Variants in SSBP2 observed in about 807,000 individuals in gnomAD.
SSBP2 encodes the protein single stranded DNA binding protein 2.
SSBP2 carries 17 observed loss-of-function variants against 61.8 expected under a neutral mutation model. That is an observed-to-expected ratio of 0.28 (90% confidence interval 0.19 to 0.41). The LOEUF is 0.41. Ranked by LOEUF, SSBP2 falls within the 10% of genes least tolerant of loss-of-function variation. The probability of loss-of-function intolerance (pLI) is 1.00; values close to 1 mark genes in which losing one functional copy is unlikely to be tolerated. For synonymous variants in SSBP2, 139 were observed against 141.3 expected, an observed-to-expected ratio of 0.98 and a Z score of 0.12; for missense variants, 310 against 458.7, an observed-to-expected ratio of 0.68 and a Z score of 2.96.
chr5:81,437,565 A>G, intron 14 of SSBP2, 107 bp from the exon 15 acceptor site: 1 of 991,434 alleles, frequency 1.0e-6, no homozygotes, highest in Non-Finnish European at 1.5e-6. Flanking sequence ...ATTTTCCAGC[A>G]TATAGCTCCT....
chr5:81,599,387 C>T (rs1361337987), intron 4 of SSBP2, among the ~76,000 whole-genome samples: 1 of 152,140 alleles, frequency 6.6e-6, no homozygotes, highest in African/African-American at 2.4e-5. Context: ...ATATTTTTAG[C>T]CCAAGGGAGC....
chr5:81,428,886 T>A lies in SSBP2; in HGVS notation c.958-203A>T, dbSNP rs936834768. Among the ~76,000 whole-genome samples, 16 of 151,852 alleles carry A rather than the reference T, an allele frequency of 1.1e-4. No individual in the cohort carries two copies. Among genetic ancestry groups the A allele is most frequent in the Admixed American group, 3.3e-4 (5 of 15,226 alleles). On this transcript the variant is annotated intron_variant, in intron 15 of 16. Coordinates refer to ENST00000320672, the MANE Select transcript of SSBP2 (RefSeq NM_012446.5). ...TCCCAAATGAAAATTTAAAAAAAAA[T>A]AAAAAAACCCCCAATAACCTACCAC... is the stretch of plus-strand genomic sequence containing the variant.
At chr5:81,481,530 G>C (rs900004652) in intron 6 of SSBP2, among the ~76,000 whole-genome samples, 1 of 150,956 alleles carries the variant, frequency 6.6e-6, no homozygotes. Flanking sequence ...CTGAGCAGGA[G>C]AATCGCTTGA....
chr5:81,531,263 A>G (rs1580935462), intron 4 of SSBP2, among the ~76,000 whole-genome samples: 1 of 151,688 alleles, frequency 6.6e-6, no homozygotes, highest in Non-Finnish European at 1.5e-5. Context: ...AAGAAAGAAG[A>G]TAATTTCAAC....
chr5:81,678,848 C>T (rs771809949), intron 1 of SSBP2, among the ~76,000 whole-genome samples: 2 of 151,856 alleles, frequency 1.3e-5, no homozygotes, highest in Non-Finnish European at 2.9e-5. Flanking sequence ...AAATAAAGAC[C>T]CATAAAAATT....
At chr5:81,573,654 T>C (rs1773989264) in intron 4 of SSBP2, among the ~76,000 whole-genome samples, 2 of 152,222 alleles carry the variant, frequency 1.3e-5, no homozygotes, top group Admixed American at 1.3e-4. Flanking sequence ...ATACAAATCC[T>C]TTTTGGAATA....
At chr5:81,575,434 C>A (rs1423793988) in intron 4 of SSBP2, among the ~76,000 whole-genome samples, 1 of 151,956 alleles carries the variant, frequency 6.6e-6, no homozygotes, top group Non-Finnish European at 1.5e-5. Flanking sequence ...TTTCATAGCA[C>A]AGGAAATGGT....
chr5:81,547,469 CAT>C (rs1491411231), intron 4 of SSBP2, among the ~76,000 whole-genome samples: 2 of 108,412 alleles, frequency 1.8e-5, no homozygotes, highest in Non-Finnish European at 3.3e-5. Context: ...GTGGAGAAAA[CAT>C]TTTTTTTTTC....
intron 1 of SSBP2, among the ~76,000 whole-genome samples, chr5:81,684,364 G>T (rs1047273272): frequency 6.6e-6 from 1 of 152,290 alleles, no homozygotes; most frequent in South Asian, 2.1e-4. Context: ...GAACTGCATG[G>T]TTCAAATTAC....
chr5:81,426,368 G>A (rs1761950295), intron 16 of SSBP2, among the ~76,000 whole-genome samples: 1 of 152,208 alleles, frequency 6.6e-6, no homozygotes, highest in South Asian at 2.1e-4. Flanking sequence ...CTCCAGGGTG[G>A]TGGTGCAGTT....
At chr5:81,749,572 C>G (rs182656549) in intron 1 of SSBP2, among the ~76,000 whole-genome samples, 2 of 152,080 alleles carry the variant, frequency 1.3e-5, no homozygotes, top group African/African-American at 4.8e-5. Flanking sequence ...TGGTCTGAAC[C>G]CCCTCAGAAA....
intron 4 of SSBP2, among the ~76,000 whole-genome samples, chr5:81,533,868 A>G (rs1419284309): frequency 6.6e-6 from 1 of 152,028 alleles, no homozygotes; most frequent in African/African-American, 2.4e-5. Context: ...GGATCTCTAA[A>G]TGCTTGTGTT....
chr5:81,441,206 G>A (rs183280810), intron 13 of SSBP2, among the ~76,000 whole-genome samples: 4 of 152,326 alleles, frequency 2.6e-5, no homozygotes, highest in Admixed American at 2.6e-4. Flanking sequence ...ATGACACTCA[G>A]AGGTTCCATG....
chr5:81,465,495 A>T lies in SSBP2; in HGVS notation c.638+1479T>A, dbSNP rs1338527360. ...ACAATTTTTTTCTCTGAACAGGGAA[A>T]ACTAAGTGGATTTAAAGTTGGCCGT... On this transcript the variant is annotated intron_variant, in intron 9 of 16. Transcript: ENST00000320672. 2.6e-5 allele frequency among the ~76,000 whole-genome samples: 4 copies of T among 152,034 alleles called. No individual in the cohort carries two copies. In the East Asian group the frequency reaches 7.7e-4, roughly 29 times the overall value.
At chr5:81,596,794 A>T (rs1743793141) in intron 4 of SSBP2, among the ~76,000 whole-genome samples, 1 of 137,382 alleles carries the variant, frequency 7.3e-6, no homozygotes, top group African/African-American at 2.9e-5. Flanking sequence ...ACATGTGGAA[A>T]GCTGAAACTG....
intron 1 of SSBP2, among the ~76,000 whole-genome samples, chr5:81,699,854 C>CTTTTT (rs3081889): frequency 1.6e-5 from 2 of 124,832 alleles, no homozygotes; most frequent in Middle Eastern, 4.0e-3. Flanking sequence ...AAATCAATTT[C>CTTTTT]TTTTTTTTTT....
chr5:81,628,993 T>C (rs1288388004), intron 3 of SSBP2, among the ~76,000 whole-genome samples: 5 of 152,048 alleles, frequency 3.3e-5, no homozygotes, highest in Non-Finnish European at 5.9e-5. Flanking sequence ...CTTTAATCCA[T>C]CTTTTTTTTT....
chr5:81,670,289 A>G (rs187315571), intron 1 of SSBP2, among the ~76,000 whole-genome samples: 10 of 152,270 alleles, frequency 6.6e-5, no homozygotes, highest in African/African-American at 2.2e-4. Flanking sequence ...GGAAATCTCT[A>G]TATCTTCCAC....
chr5:81,448,138 G>C (rs540742767), intron 11 of SSBP2: 1 of 152,156 alleles, frequency 6.6e-6, no homozygotes, highest in South Asian at 2.1e-4. Context: ...ATGGTGTAAC[G>C]TATTTTCCTC....
Sources: gnomAD v4.1 joint callset for allele counts (sites outside exome capture counted in the v4.1 genomes callset) on GRCh38, gnomAD v4.1.1 for gene constraint, MANE v1.5 for transcripts, NCBI Gene and HGNC (gene_info 2026-07-23, HGNC 2026-07-21) for gene names.